Variants in ENTPD1 observed in about 807,000 individuals in gnomAD.
The protein encoded by ENTPD1 is ectonucleoside triphosphate diphosphohydrolase 1.
ENTPD1 carries 33 observed loss-of-function variants against 57.0 expected under a neutral mutation model. The ratio of observed to expected loss-of-function variants is 0.58; its 90% confidence interval spans 0.44 to 0.77. ENTPD1 has a LOEUF of 0.77. Ranked by LOEUF, ENTPD1 falls within the 30% of genes least tolerant of loss-of-function variation. The pLI is 0.00. For synonymous variants in ENTPD1, 202 were observed against 218.8 expected, an observed-to-expected ratio of 0.92 and a Z score of 0.68; for missense variants, 501 against 603.4, an observed-to-expected ratio of 0.83 and a Z score of 1.78.
At chr10:95,810,413 G>A (rs1422128426) in intron 1 of ENTPD1, among the ~76,000 whole-genome samples, 1 of 149,708 alleles carries the variant, frequency 6.7e-6, no homozygotes, top group Non-Finnish European at 1.5e-5. Context: ...GGACAGGGCG[G>A]CTGGGCAGAG....
intron 1 of ENTPD1, among the ~76,000 whole-genome samples, chr10:95,757,672 G>T (rs1316224555): frequency 6.6e-6 from 1 of 152,114 alleles, no homozygotes; most frequent in Non-Finnish European, 1.5e-5. Flanking sequence ...GTCAGAAGGG[G>T]TTAGTTTGGT....
chr10:95,718,771 A>C (rs1292035537), intron 1 of ENTPD1, among the ~76,000 whole-genome samples: 1 of 152,158 alleles, frequency 6.6e-6, no homozygotes, highest in Non-Finnish European at 1.5e-5. Flanking sequence ...CACTTTTCGA[A>C]GTCCTTTTTC....
chr10:95,869,627 TAAA>T lies in ENTPD1; in HGVS notation c.*3245_*3247del, dbSNP rs2098478300. On this transcript the variant is annotated 3_prime_UTR_variant, in exon 10 of 10. Transcript: ENST00000371205. ...TGTGTGACAAGAAAGAGAAAGAAAA[TAAA>T]GAAGTTTCAATTCATCCAATTCTTA... The T allele has an allele frequency of 3.0e-6, 3 of 985,004 alleles. No homozygotes were observed. Among genetic ancestry groups the T allele is most frequent in the East Asian group, 1.1e-4 (1 of 8,824 alleles). 61.0% of individuals were successfully genotyped at this position (985,004 alleles called of 1,614,324 possible).
Position 95,869,277 on chromosome 10 carries a change from T to A in ENTPD1, c.*2894T>A. 3.3e-6 allele frequency: 3 copies of A among 920,362 alleles called. No individual in the cohort carries two copies. Among genetic ancestry groups the A allele is most frequent in the Non-Finnish European group, 3.8e-6 (3 of 790,084 alleles). The allele number at this position is 920,362 out of a possible 1,614,324, so 57.0% of individuals were successfully genotyped here. A position where few individuals can be genotyped will look rare whatever the true frequency, so the allele number is the denominator to read the frequency against. ...TTTTTTTTTTTTTTTTGAGAGAGAG[T>A]CTCACTCCATTGCCCAGGCTGGAGT... On this transcript the variant is annotated 3_prime_UTR_variant, in exon 10 of 10. Transcript: ENST00000371205.
intron 1 of ENTPD1, chr10:95,756,530 G>C (rs2098025461): frequency 2.2e-6 from 1 of 464,058 alleles, no homozygotes; most frequent in Admixed American, 3.7e-5. Context: ...GGTTTTTTTA[G>C]AGGCAAATGA....
At chr10:95,780,956 C>T (rs566197496) in intron 1 of ENTPD1, among the ~76,000 whole-genome samples, 1 of 152,256 alleles carries the variant, frequency 6.6e-6, no homozygotes, top group Admixed American at 6.5e-5. Flanking sequence ...AGATATCTGC[C>T]CTCCCATGTT....
rs182062229 is a variant in ENTPD1 at position 95,829,535 on chromosome 10, A to G, written c.144+6171A>G. Among the ~76,000 whole-genome samples the G allele has an allele frequency of 2.0e-5, 3 of 152,358 alleles. No individual in the cohort carries two copies. In the East Asian group the frequency reaches 5.8e-4, roughly 29 times the overall value. ...TGGGGCTGGAGTAAAAAGTTGGCCA[A>G]GATGTAAAATGGTCACAAGAGGTAT... On this transcript the variant is annotated intron_variant, in intron 2 of 9. Transcript: ENST00000371205.
rs934239121 is a variant in ENTPD1, at chr10:95,872,032, C to G, written c.*5649C>G. 1.0e-5 allele frequency: 10 copies of G among 985,302 alleles called. No individual in the cohort carries two copies. In the African/African-American group the frequency reaches 1.6e-4, roughly 15 times the overall value. The allele number at this position is 985,302 out of a possible 1,614,324, so 61.0% of individuals were successfully genotyped here. A position where few individuals can be genotyped will look rare whatever the true frequency, so the allele number is the denominator to read the frequency against. Reference sequence around the variant, plus strand: ...TAATGCCACCCCTGCCTCAATGAACCAAGATCAGCTCCATCACTGGGACCT... The same window carrying G: ...TAATGCCACCCCTGCCTCAATGAACGAAGATCAGCTCCATCACTGGGACCT... On this transcript the variant is annotated 3_prime_UTR_variant, in exon 10 of 10. Transcript: ENST00000371205.
intron 4 of ENTPD1, 84 bp downstream of exon 4, chr10:95,842,578 A>G: frequency 6.9e-7 from 1 of 1,459,658 alleles, no homozygotes; most frequent in Admixed American, 2.2e-5. Context: ...AAAGGGCCAC[A>G]CTCCCTAATA....
intron 8 of ENTPD1, 57 bp from the exon 9 acceptor site, chr10:95,864,667 G>C (rs1446569796): frequency 1.9e-6 from 3 of 1,610,088 alleles, no homozygotes; most frequent in Middle Eastern, 1.7e-4. Flanking sequence ...GAGAAAAAGA[G>C]GGCCACAGAG....
intron 1 of ENTPD1, among the ~76,000 whole-genome samples, chr10:95,775,525 A>G (rs2098130643): frequency 6.6e-6 from 1 of 152,216 alleles, no homozygotes; most frequent in Non-Finnish European, 1.5e-5. Context: ...GTTTATTGAG[A>G]ATTTTTAGCA....
rs1002290348 is a variant in ENTPD1, at chr10:95,874,550, A to ATCTACCATTCTGGGG, written c.*8189_*8203dup. On this transcript the variant is annotated 3_prime_UTR_variant, in exon 10 of 10. Coordinates refer to ENST00000371205, the MANE Select transcript of ENTPD1 (RefSeq NM_001776.6). ...GGCACAAGATGCAAGTTGGTGGTTG[A>ATCTACCATTCTGGGG]TCTACCATTCTGGGGTCTACCATTC... Among the ~76,000 whole-genome samples the ATCTACCATTCTGGGG allele has an allele frequency of 1.3e-5, 2 of 152,074 alleles. No homozygotes were observed. Among genetic ancestry groups the ATCTACCATTCTGGGG allele is most frequent in the Admixed American group, 6.5e-5 (1 of 15,276 alleles).
the ENTPD1 span, among the ~76,000 whole-genome samples, chr10:95,704,815 A>G: frequency 6.6e-6 from 1 of 151,860 alleles, no homozygotes; most frequent in Non-Finnish European, 1.5e-5. Context: ...TAATAAAAAG[A>G]CAGTATTAAG....
At chr10:95,792,320 A>G (rs2098208019) in intron 1 of ENTPD1, among the ~76,000 whole-genome samples, 1 of 152,224 alleles carries the variant, frequency 6.6e-6, no homozygotes, top group Non-Finnish European at 1.5e-5. Flanking sequence ...AAAGATCTCA[A>G]TAGGCTTTAT....
Position 95,823,856 on chromosome 10 carries a change from T to C in ENTPD1, c.144+492T>C, listed in dbSNP as rs184447154. 3.3e-3 allele frequency among the ~76,000 whole-genome samples: 507 copies of C among 152,310 alleles called. 2 individuals are homozygous for C. Among genetic ancestry groups the C allele is most frequent in the African/African-American group, 0.011 (478 of 41,574 alleles). On this transcript the variant is annotated intron_variant, in intron 2 of 9. Coordinates refer to ENST00000371205, the MANE Select transcript of ENTPD1 (RefSeq NM_001776.6). ...AAGACATGTTTCTTATCTCCAGATA[T>C]AGTAAAGAATCAAAATCAATAAAAG...
At chr10:95,707,326 C>G (rs969891989), upstream of ENTPD1, among the ~76,000 whole-genome samples, 2 of 152,198 alleles carry the variant, frequency 1.3e-5, no homozygotes, top group Non-Finnish European at 2.9e-5. Context: ...AGCATGAGGC[C>G]TGGGTCTGCA....
the ENTPD1 span, among the ~76,000 whole-genome samples, chr10:95,703,028 A>G: frequency 6.6e-6 from 1 of 151,628 alleles, no homozygotes; most frequent in Non-Finnish European, 1.5e-5. Flanking sequence ...CTCGTGATCC[A>G]CCCGCCTCGG....
chr10:95,767,947 A>G (rs1489126049), intron 1 of ENTPD1, among the ~76,000 whole-genome samples: 1 of 152,212 alleles, frequency 6.6e-6, no homozygotes, highest in Non-Finnish European at 1.5e-5. Context: ...AATGCCAATA[A>G]TAAAAGGACT....
intron 1 of ENTPD1, among the ~76,000 whole-genome samples, chr10:95,797,462 A>G (rs2098231195): frequency 6.6e-6 from 1 of 152,114 alleles, no homozygotes; most frequent in Non-Finnish European, 1.5e-5. Context: ...GTCTGTTTGC[A>G]TTCTTTAAAG....
Sources: allele counts gnomAD v4.1 joint callset (sites outside exome capture counted in the v4.1 genomes callset), GRCh38; gene constraint gnomAD v4.1.1; transcripts MANE v1.5; gene names NCBI Gene and HGNC (gene_info 2026-07-23, HGNC 2026-07-21).